FILIP1L: variants seen among roughly 807,000 people sequenced by gnomAD.
FILIP1L encodes filamin A-interacting protein 1-like.
In FILIP1L, 55 loss-of-function variants were observed where a neutral mutation model predicts 96.6. The ratio of observed to expected loss-of-function variants is 0.57; its 90% CI spans 0.46 to 0.71. The LOEUF (loss-of-function observed/expected upper bound fraction) is 0.71, where lower values mean the gene tolerates loss of function less well. FILIP1L is among the 30% of genes least tolerant of loss of function. The pLI is 0.00. For missense variants in FILIP1L, 1,304 were observed against 1,321.2 expected, an observed-to-expected ratio of 0.99 and a Z score of 0.20; for synonymous variants, 467 against 473.9, an observed-to-expected ratio of 0.99 and a Z score of 0.19.
At chr3:99,842,485 TAAATA>T (rs1401530184) in intron 5 of FILIP1L, among the ~76,000 whole-genome samples, 1 of 89,516 alleles carries the variant, frequency 1.1e-5, no homozygotes, top group Non-Finnish European at 2.3e-5. Flanking sequence ...CCTATTGAAA[TAAATA>T]AATTAAAACA....
intron 4 of FILIP1L, 67 bp downstream of exon 4, chr3:99,924,163 G>T: frequency 7.7e-7 from 1 of 1,305,888 alleles, no homozygotes; most frequent in South Asian, 1.3e-5. Context: ...TTGTATCCCT[G>T]AGACCTGGTA....
chr3:99,836,670 TAATGATAAG>T (rs555282881), intron 5 of FILIP1L, among the ~76,000 whole-genome samples: 3 of 152,210 alleles, frequency 2.0e-5, no homozygotes, highest in Non-Finnish European at 4.4e-5. Flanking sequence ...CACTCTATCT[TAATGATAAG>T]AATATAACTA....
At chr3:99,899,095 A>G (rs1024592098) in intron 4 of FILIP1L, among the ~76,000 whole-genome samples, 2 of 152,226 alleles carry the variant, frequency 1.3e-5, no homozygotes, top group Non-Finnish European at 2.9e-5. Flanking sequence ...TGCTTTGATT[A>G]TATTAGATGG....
intron 5 of FILIP1L, among the ~76,000 whole-genome samples, chr3:99,832,839 CAAAAAAAAAA>C (rs771543470): frequency 4.2e-5 from 2 of 47,494 alleles, no homozygotes; most frequent in Non-Finnish European, 8.3e-5. Flanking sequence ...GACTCTGTCT[CAAAAAAAAAA>C]AAAAAAAAGT....
Position 99,851,021 on chromosome 3 carries a change from G to A in FILIP1L, c.655C>T (p.Gln219Ter). The stretch of plus-strand genomic sequence containing the variant: ...GTGGTGACCCTTTTCTCCTTTTCTT[G>A]CTCCTTCTCCTCCTGAGACTTGATT... Reference protein sequence around the residue: ...QEIKSQEEKEQEKEKRVTTLK... With the variant: ...QEIKSQEEKE The change falls in exon 5 of 6, where the codon CAA becomes TAA. Residue 219 changes from glutamine (Q) to a stop codon, truncating the protein, a stop_gained. Coordinates refer to ENST00000477258, the MANE Select transcript of FILIP1L (RefSeq NM_001387850.1). LOFTEE classifies it high-confidence loss of function. 1 of 1,610,518 alleles carries A rather than the reference G, an allele frequency of 6.2e-7. No individual in the cohort carries two copies. Among genetic ancestry groups the A allele is most frequent in the East Asian group, 2.2e-5 (1 of 44,860 alleles).
At chr3:99,916,508 T>G (rs1706959817) in intron 4 of FILIP1L, among the ~76,000 whole-genome samples, 1 of 149,298 alleles carries the variant, frequency 6.7e-6, no homozygotes, top group Non-Finnish European at 1.5e-5. Flanking sequence ...TGGAGGACCC[T>G]GACAAATACA....
chr3:99,850,031 A>G lies in FILIP1L; in HGVS notation c.1645T>C (p.Ser549Pro), dbSNP rs1943590367. ...ATCTTTTCTTCTACATCGGTTTTGG[A>G]CTTGAGCGCCCTTTTAGTTTCCTCA... is the stretch of plus-strand genomic sequence containing the variant. ...LIEETKRALK[S>P]KTDVEEKMYS... Residue 549 changes from serine to proline, a missense_variant, in exon 5 of 6, where the codon TCC becomes CCC. By Grantham distance (74) the Ser-to-Pro change is moderately conservative. Transcript: ENST00000477258. 6.2e-7 allele frequency: 1 copy of G among 1,609,118 alleles called. No individual in the cohort carries two copies. Among genetic ancestry groups the G allele is most frequent in the East Asian group, 2.2e-5 (1 of 44,836 alleles).
chr3:100,052,138 A>G (rs1199990081), intron 1 of FILIP1L, among the ~76,000 whole-genome samples: 1 of 152,158 alleles, frequency 6.6e-6, no homozygotes, highest in Admixed American at 6.5e-5. Flanking sequence ...CAGTTCCTTT[A>G]GAACTGACTA....
intron 4 of FILIP1L, among the ~76,000 whole-genome samples, chr3:99,922,059 C>T (rs1420060455): frequency 2.0e-5 from 3 of 152,194 alleles, no homozygotes; most frequent in Non-Finnish European, 4.4e-5. Flanking sequence ...ACATTCCCAC[C>T]ATAAATCTGT....
chr3:100,108,978 C>A (rs1404450772), intron 1 of FILIP1L, among the ~76,000 whole-genome samples: 1 of 151,536 alleles, frequency 6.6e-6, no homozygotes, highest in Non-Finnish European at 1.5e-5. Flanking sequence ...GAGTTTATTG[C>A]GTAGTTTTTG....
At chr3:100,076,058 A>G (rs1425731569) in intron 1 of FILIP1L, among the ~76,000 whole-genome samples, 1 of 152,050 alleles carries the variant, frequency 6.6e-6, no homozygotes, top group East Asian at 1.9e-4. Flanking sequence ...TTTCAACTAC[A>G]TGGCTTTGGG....
At chr3:99,936,425 G>C (rs1032281702) in intron 1 of FILIP1L, among the ~76,000 whole-genome samples, 1 of 131,312 alleles carries the variant, frequency 7.6e-6, no homozygotes, top group African/African-American at 3.0e-5. Context: ...GCCCAGGCTA[G>C]AGTGCAGTGG....
chr3:99,929,518 G>T (rs1472897825), intron 3 of FILIP1L, among the ~76,000 whole-genome samples: 2 of 145,744 alleles, frequency 1.4e-5, no homozygotes, highest in Non-Finnish European at 3.0e-5. Context: ...CCCAGAGTGT[G>T]TGTGTGTGTG....
intron 1 of FILIP1L, among the ~76,000 whole-genome samples, chr3:100,052,107 A>G (rs1316479464): frequency 6.6e-6 from 1 of 152,154 alleles, no homozygotes; most frequent in East Asian, 1.9e-4. Context: ...ACTAATGGGC[A>G]TAATTTGTGA....
chr3:100,049,770 AT>A (rs1185243356), intron 1 of FILIP1L, among the ~76,000 whole-genome samples: 1 of 152,130 alleles, frequency 6.6e-6, no homozygotes, highest in African/African-American at 2.4e-5. Context: ...GTCTTCTAAC[AT>A]TTTCTTTTCT....
At chr3:100,014,614 A>G (rs982411428) in intron 1 of FILIP1L, among the ~76,000 whole-genome samples, 1 of 151,832 alleles carries the variant, frequency 6.6e-6, no homozygotes, top group Non-Finnish European at 1.5e-5. Context: ...TTTTTCATAT[A>G]CCTGTTGGCC....
chr3:100,034,014 A>G (rs2065064545), intron 1 of FILIP1L, among the ~76,000 whole-genome samples: 1 of 152,216 alleles, frequency 6.6e-6, no homozygotes, highest in African/African-American at 2.4e-5. Context: ...TATTTGATTG[A>G]AGAAACATGG....
chr3:99,911,682 C>T (rs906481303), intron 4 of FILIP1L, among the ~76,000 whole-genome samples: 3 of 152,168 alleles, frequency 2.0e-5, no homozygotes, highest in African/African-American at 4.8e-5. Flanking sequence ...CCTTCACATT[C>T]GCTCCCTGCA....
intron 1 of FILIP1L, among the ~76,000 whole-genome samples, chr3:100,021,958 TGTGAGAGAGAGAGA>T (rs745817879): frequency 0.02 from 1,878 of 94,666 alleles, 21 homozygotes; most frequent in Non-Finnish European, 0.033. Context: ...TGTGTGTGTG[TGTGAGAGAGAGAGA>T]GAGAGAGAGA....
Sources: gnomAD v4.1 joint callset for allele counts (sites outside exome capture counted in the v4.1 genomes callset) on GRCh38, gnomAD v4.1.1 for gene constraint, MANE v1.5 for transcripts, NCBI Gene and HGNC (gene_info 2026-07-23, HGNC 2026-07-21) for gene names.